The following USP3 variants were observed in gnomAD, a reference collection of about 807,000 sequenced individuals.
USP3 encodes ubiquitin specific peptidase 3.
Under a neutral mutation model 72.3 loss-of-function variants are expected in USP3, and 20 were observed. The ratio of observed to expected loss-of-function variants is 0.28; its 90% CI spans 0.19 to 0.40. The LOEUF is 0.40. Ranked by LOEUF, USP3 falls within the 10% of genes least tolerant of loss-of-function variation. The pLI is 1.00. For synonymous variants in USP3, 222 were observed against 225.3 expected, an observed-to-expected ratio of 0.99 and a Z score of 0.13; for missense variants, 479 against 633.9, an observed-to-expected ratio of 0.76 and a Z score of 2.62.
chr15:63,546,818 C>T (rs1427307124), intron 3 of USP3, among the ~76,000 whole-genome samples: 2 of 152,098 alleles, frequency 1.3e-5, no homozygotes, highest in Non-Finnish European at 2.9e-5. Flanking sequence ...CCATGTTAGC[C>T]AGGATGGTCT....
intron 11 of USP3, among the ~76,000 whole-genome samples, chr15:63,577,549 C>T (rs1234538342): frequency 6.6e-6 from 1 of 151,968 alleles, no homozygotes; most frequent in Non-Finnish European, 1.5e-5. Context: ...GAGGTCAGAT[C>T]GAGACCATCC....
At chr15:63,556,795 A>T in intron 5 of USP3, 47 bp downstream of exon 5, 1 of 1,301,744 alleles carries the variant, frequency 7.7e-7, no homozygotes, top group Non-Finnish European at 1.1e-6. Flanking sequence ...TTGAGATTTA[A>T]TCACTGTTTT....
intron 11 of USP3, among the ~76,000 whole-genome samples, chr15:63,577,351 G>A (rs1222389515): frequency 1.3e-5 from 2 of 152,234 alleles, no homozygotes; most frequent in Non-Finnish European, 2.9e-5. Flanking sequence ...AAATGCCTAG[G>A]CACAGTGGCT....
At chr15:63,523,775 G>A (rs2065947024) in intron 1 of USP3, among the ~76,000 whole-genome samples, 2 of 152,146 alleles carry the variant, frequency 1.3e-5, no homozygotes, top group Non-Finnish European at 2.9e-5. Flanking sequence ...AGAACTCTTG[G>A]GGTAAAGAGA....
chr15:63,587,549 C>T (rs1471713634), intron 11 of USP3, among the ~76,000 whole-genome samples: 8 of 152,258 alleles, frequency 5.3e-5, no homozygotes, highest in African/African-American at 9.6e-5. Flanking sequence ...AGTGGTTTAT[C>T]GTTGCTTCAC....
chr15:63,569,257 G>A (rs1031690815), intron 8 of USP3, among the ~76,000 whole-genome samples: 12 of 152,084 alleles, frequency 7.9e-5, no homozygotes, highest in Admixed American at 7.2e-4. Context: ...AATGCTTTTG[G>A]CTGAATTTTA....
Position 63,574,697 on chromosome 15 carries a change from T to G in USP3, c.1096+294T>G, listed in dbSNP as rs1171879731. Among the ~76,000 whole-genome samples the G allele has an allele frequency of 6.6e-6, 1 of 152,218 alleles. No homozygotes were observed. On this transcript the variant is annotated intron_variant, in intron 11 of 14. Coordinates refer to ENST00000380324, the MANE Select transcript of USP3 (RefSeq NM_006537.4). The surrounding 1 kb of genome is among the most constrained non-coding windows in gnomAD (Gnocchi z 4.6). The stretch of plus-strand genomic sequence containing the variant: ...TTTTTCTGACCAAATGAAACAGAAG[T>G]TATTCTGTGGTTATCCCACTAGCAT...
Position 63,593,509 on chromosome 15 carries a change from G to A in USP3, c.*2683G>A, listed in dbSNP as rs953246371. ...ATACCAAATGGAACTTCAGCAACAC[G>A]TTGGACTACTTTGTCGGGCAGAGTG... On this transcript the variant is annotated 3_prime_UTR_variant, in exon 15 of 15. Coordinates refer to ENST00000380324, the MANE Select transcript of USP3 (RefSeq NM_006537.4). 3.9e-5 allele frequency: 6 copies of A among 152,226 alleles called. No homozygotes were observed. The highest frequency in any genetic ancestry group is 7.2e-5 in the African/African-American group (3 of 41,468). 9.4% of individuals were successfully genotyped at this position (152,226 alleles called of 1,614,324 possible).
At chr15:63,523,585 G>A (rs1472164772) in intron 1 of USP3, among the ~76,000 whole-genome samples, 1 of 152,188 alleles carries the variant, frequency 6.6e-6, no homozygotes, top group East Asian at 1.9e-4. Context: ...GGCTAGTTCA[G>A]CTAAAACAAT....
chr15:63,526,421 T>C (rs1211629749), intron 1 of USP3, among the ~76,000 whole-genome samples: 2 of 152,168 alleles, frequency 1.3e-5, no homozygotes, highest in Admixed American at 6.5e-5. Context: ...CTGTACCTCA[T>C]TGGATTGTAG....
intron 11 of USP3, among the ~76,000 whole-genome samples, chr15:63,585,317 A>AG (rs1286851473): frequency 6.6e-6 from 1 of 152,178 alleles, no homozygotes; most frequent in Non-Finnish European, 1.5e-5. Context: ...TGCTTTGGGT[A>AG]GTAATAATCA....
Position 63,565,814 on chromosome 15 carries a change from C to T in USP3, c.761+2806C>T, listed in dbSNP as rs185634035. Among the ~76,000 whole-genome samples the T allele has an allele frequency of 7.0e-4, 107 of 152,316 alleles. No individual in the cohort carries two copies. In the South Asian group the frequency reaches 9.3e-3, roughly 13 times the overall value. ...TGGACTGTTTCTAGTCTTTGCTGTT[C>T]TAAACAGTGCTGCAGTGAGTAGTAT... On this transcript the variant is annotated intron_variant, in intron 8 of 14. Coordinates refer to ENST00000380324, the MANE Select transcript of USP3 (RefSeq NM_006537.4).
chr15:63,511,590 A>T (rs6494406), intron 1 of USP3, among the ~76,000 whole-genome samples: 12,825 of 152,194 alleles, frequency 0.084, 624 homozygotes, highest in African/African-American at 0.14. Flanking sequence ...TTCATATTGC[A>T]TTAGTTCAGA....
At chr15:63,533,726 A>T in intron 2 of USP3, 1 of 500,320 alleles carries the variant, frequency 2.0e-6, no homozygotes, top group Non-Finnish European at 3.2e-6. Context: ...TATTTTTTCC[A>T]TGTGCACTTA....
chr15:63,504,892 C>A (rs556550545), intron 1 of USP3, 62 bp downstream of exon 1: 22 of 1,269,630 alleles, frequency 1.7e-5, no homozygotes, highest in Middle Eastern at 2.9e-4. Flanking sequence ...CCGGGCCTGC[C>A]GTCTAGGGGC....
chr15:63,515,419 G>T (rs970952160), intron 1 of USP3: 12 of 152,270 alleles, frequency 7.9e-5, no homozygotes, highest in African/African-American at 2.9e-4. Flanking sequence ...GCCAGTTGGG[G>T]GTTGGGGGCA....
At chr15:63,575,495 T>G (rs2066848672) in intron 11 of USP3, among the ~76,000 whole-genome samples, 1 of 152,210 alleles carries the variant, frequency 6.6e-6, no homozygotes, top group Admixed American at 6.5e-5. Flanking sequence ...AGGTCGTTTC[T>G]AGAAATCTGT....
chr15:63,584,392 C>T (rs1441994075), intron 11 of USP3, among the ~76,000 whole-genome samples: 1 of 152,166 alleles, frequency 6.6e-6, no homozygotes, highest in Non-Finnish European at 1.5e-5. Flanking sequence ...GGCACCGCAC[C>T]CAGCCGGTAC....
intron 11 of USP3, among the ~76,000 whole-genome samples, chr15:63,586,047 A>T (rs2067054091): frequency 6.6e-6 from 1 of 152,158 alleles, no homozygotes; most frequent in Admixed American, 6.5e-5. Flanking sequence ...ATGTCTTTTA[A>T]AATTTCTTTC....
Sources: gnomAD v4.1 joint callset for allele counts (sites outside exome capture counted in the v4.1 genomes callset) on GRCh38, gnomAD v4.1.1 for gene constraint, Gnocchi (gnomAD v3.1) non-coding constraint, MANE v1.5 for transcripts, NCBI Gene and HGNC (gene_info 2026-07-23, HGNC 2026-07-21) for gene names.